Variants in PIK3C2G observed in about 807,000 individuals in gnomAD.
PIK3C2G encodes phosphatidylinositol 3-kinase C2 domain-containing subunit gamma.
In PIK3C2G, 168 loss-of-function variants were observed where a neutral mutation model predicts 181.1. The ratio of observed to expected loss-of-function variants is 0.93; its 90% CI spans 0.82 to 1.05. PIK3C2G has a LOEUF of 1.05. Among genes scored for constraint, PIK3C2G ranks in the 50% least tolerant of loss-of-function variants. PIK3C2G has a pLI of 0.00. For synonymous variants in PIK3C2G, 573 were observed against 592.2 expected (o/e 0.97, Z 0.47); for missense variants, 1,869 against 1,732.8 (o/e 1.08, Z -1.40).
intron 1 of PIK3C2G, among the ~76,000 whole-genome samples, chr12:18,280,433 T>C (rs1312546703): frequency 6.6e-6 from 1 of 152,040 alleles, no homozygotes; most frequent in Admixed American, 6.6e-5. Flanking sequence ...AATTAAATCC[T>C]GAATGATGAA....
At chr12:18,667,185 C>T in the PIK3C2G span, among the ~76,000 whole-genome samples, 2 of 152,094 alleles carry the variant, frequency 1.3e-5, no homozygotes, top group Non-Finnish European at 2.9e-5. Context: ...CCATTATAAA[C>T]TTGTAAGCTT....
At chr12:18,667,503 C>G in the PIK3C2G span, among the ~76,000 whole-genome samples, 1 of 152,122 alleles carries the variant, frequency 6.6e-6, no homozygotes, top group Non-Finnish European at 1.5e-5. Flanking sequence ...AATAACTGCT[C>G]TATAAGCTAG....
chr12:18,420,404 T>C (rs1945416540), intron 16 of PIK3C2G, among the ~76,000 whole-genome samples: 1 of 152,054 alleles, frequency 6.6e-6, no homozygotes, highest in Non-Finnish European at 1.5e-5. Flanking sequence ...CATCCAAAAA[T>C]GAATAAGGCA....
the PIK3C2G span, chr12:18,683,569 A>G: frequency 1.4e-6 from 2 of 1,474,100 alleles, no homozygotes; most frequent in Admixed American, 4.1e-5. Context: ...GCGCTGCATG[A>G]TCCAAAATTA....
At chr12:18,325,643 G>C (rs1951307856) in intron 8 of PIK3C2G, among the ~76,000 whole-genome samples, 1 of 151,204 alleles carries the variant, frequency 6.6e-6, no homozygotes, top group Admixed American at 6.6e-5. Flanking sequence ...GGGAGGTGGA[G>C]GTTGCAGTGA....
chr12:18,495,337 A>G (rs796634745), intron 20 of PIK3C2G, among the ~76,000 whole-genome samples: 4 of 152,282 alleles, frequency 2.6e-5, no homozygotes, highest in African/African-American at 9.6e-5. Flanking sequence ...TAGAGTGAAA[A>G]GTAGTCAACA....
chr12:18,380,611 T>C (rs1185841716), intron 13 of PIK3C2G, among the ~76,000 whole-genome samples: 1 of 152,134 alleles, frequency 6.6e-6, no homozygotes, highest in Non-Finnish European at 1.5e-5. Flanking sequence ...ACAGATTTTC[T>C]CTAGATAAGG....
At chr12:18,556,346 G>A (rs1418968469) in intron 26 of PIK3C2G, among the ~76,000 whole-genome samples, 2 of 152,046 alleles carry the variant, frequency 1.3e-5, no homozygotes, top group East Asian at 1.9e-4. Context: ...TGTCTGACCC[G>A]TTAAGTCTGA....
At chr12:18,493,303 A>G (rs1940738075) in intron 20 of PIK3C2G, 1 of 152,224 alleles carries the variant, frequency 6.6e-6, no homozygotes, top group South Asian at 2.1e-4. Context: ...CATCTATGAG[A>G]GCTCTTAACT....
the PIK3C2G span, chr12:18,693,676 T>C: frequency 6.4e-7 from 1 of 1,565,930 alleles, no homozygotes; most frequent in Non-Finnish European, 8.8e-7. Flanking sequence ...CCAATTCTGG[T>C]GGTGAGAGAG....
chr12:18,470,091 C>T (rs945709061), intron 18 of PIK3C2G, among the ~76,000 whole-genome samples: 5 of 152,052 alleles, frequency 3.3e-5, no homozygotes, highest in African/African-American at 1.2e-4. Context: ...CCTTCTGCTT[C>T]TGACCACAGT....
chr12:18,664,197 T>C, the PIK3C2G span, among the ~76,000 whole-genome samples: 1 of 152,204 alleles, frequency 6.6e-6, no homozygotes, highest in Non-Finnish European at 1.5e-5. Context: ...GTATAGCCAC[T>C]GTGGGACACA....
chr12:18,620,805 A>G (rs1393668004), intron 31 of PIK3C2G, among the ~76,000 whole-genome samples: 3 of 152,030 alleles, frequency 2.0e-5, no homozygotes, highest in Admixed American at 6.6e-5. Context: ...AGTCCCTCTT[A>G]ATCCTGGTTA....
chr12:18,536,652 G>T (rs1231570020), intron 24 of PIK3C2G, among the ~76,000 whole-genome samples: 2 of 152,114 alleles, frequency 1.3e-5, no homozygotes, highest in East Asian at 3.9e-4. Context: ...TAAGAGTTAG[G>T]TGGTTTAGAG....
chr12:18,302,744 A>T (rs947849847), intron 5 of PIK3C2G, among the ~76,000 whole-genome samples: 1 of 152,032 alleles, frequency 6.6e-6, no homozygotes, highest in Non-Finnish European at 1.5e-5. Context: ...TGGGCACTAG[A>T]GGTGTAGCAC....
intron 29 of PIK3C2G, among the ~76,000 whole-genome samples, chr12:18,568,985 G>A (rs191448246): frequency 5.3e-5 from 8 of 152,048 alleles, no homozygotes; most frequent in African/African-American, 1.7e-4. Context: ...ATGTAACCAC[G>A]CAGTAGTTTC....
the PIK3C2G span, among the ~76,000 whole-genome samples, chr12:18,721,452 A>G: frequency 1.3e-5 from 2 of 152,196 alleles, no homozygotes; most frequent in South Asian, 4.1e-4. Flanking sequence ...CAAAAGAGGA[A>G]ATGGATGAAC....
At chr12:18,457,086 T>C (rs1043392046) in intron 18 of PIK3C2G, among the ~76,000 whole-genome samples, 2 of 151,920 alleles carry the variant, frequency 1.3e-5, no homozygotes, top group Non-Finnish European at 2.9e-5. Flanking sequence ...AAAGGAACAA[T>C]AAGGGTAGAC....
intron 31 of PIK3C2G, among the ~76,000 whole-genome samples, chr12:18,637,253 C>T (rs185254442): frequency 6.6e-6 from 1 of 152,104 alleles, no homozygotes; most frequent in African/African-American, 2.4e-5. Flanking sequence ...TGGATAGTAT[C>T]CAAGAGTCTT....
Sources: allele counts gnomAD v4.1 joint callset (sites outside exome capture counted in the v4.1 genomes callset), GRCh38; gene constraint gnomAD v4.1.1; transcripts MANE v1.5; gene names NCBI Gene and HGNC (gene_info 2026-07-23, HGNC 2026-07-21).